Variants in MCPH1 observed in about 807,000 individuals in gnomAD.
MCPH1 encodes the protein microcephalin 1, also known as microcephalin.
Under a neutral mutation model 84.5 loss-of-function variants are expected in MCPH1, and 104 were observed. That is an observed-to-expected ratio of 1.23 (90% CI 1.05 to 1.45). The LOEUF is 1.45. Among genes scored for constraint, MCPH1 ranks in the 40% most tolerant of loss-of-function variants. MCPH1 has a pLI of 0.00. For synonymous variants in MCPH1, 514 were observed against 366.8 expected (o/e 1.40, Z -4.58); for missense variants, 1,498 against 1,005.7 (o/e 1.49, Z -6.62).
chr8:6,621,398 G>A lies in MCPH1; in HGVS notation c.2215-56G>A, dbSNP rs201904454. The stretch of plus-strand genomic sequence containing the variant: ...AAGTAAACTGCAACAGTTCGCCTAC[G>A]CTATGGAGACTGGAGTGGTCCCACC... On this transcript the variant is annotated intron_variant, in intron 12 of 13. Transcript: ENST00000344683. 1,163 of 1,604,198 alleles carry A rather than the reference G, an allele frequency of 7.2e-4. 3 individuals are homozygous for A. The highest frequency in any genetic ancestry group is 1.3e-3 in the South Asian group (122 of 90,888).
At chr8:6,617,595 C>G (rs555550521) in intron 12 of MCPH1, among the ~76,000 whole-genome samples, 1 of 151,976 alleles carries the variant, frequency 6.6e-6, no homozygotes, top group East Asian at 1.9e-4. Flanking sequence ...CCTGCACGCA[C>G]TCCTGTTTCT....
At chr8:6,629,337 C>G (rs970479495) in intron 13 of MCPH1, among the ~76,000 whole-genome samples, 5 of 152,188 alleles carry the variant, frequency 3.3e-5, no homozygotes, top group African/African-American at 1.2e-4. Flanking sequence ...TTGTGGGCAC[C>G]TGCAATCCCA....
chr8:6,581,386 G>A (rs1471474780), intron 12 of MCPH1, among the ~76,000 whole-genome samples: 2 of 152,196 alleles, frequency 1.3e-5, no homozygotes, highest in African/African-American at 2.4e-5. Flanking sequence ...CAAATCCAAT[G>A]TCCCTATGCT....
chr8:6,444,924 C>T lies in MCPH1; in HGVS notation c.1202C>T (p.Ala401Val), dbSNP rs377725772. ...EDRLQHVAGP[A>V]LEALSCGESS... The stretch of plus-strand genomic sequence containing the variant: ...AGGCTGCAGCACGTGGCGGGACCTG[C>T]CCTGGAGGCTCTTAGCTGTGGGGAG... Residue 401 changes from alanine (A) to valine (V), a missense_variant, in exon 8 of 14, where the codon GCC (alanine) becomes GTC (valine). Physicochemically the swap from Ala to Val is moderately conservative, Grantham distance 64 (BLOSUM62 0). Transcript: ENST00000344683. 158 of 1,613,976 alleles carry T rather than the reference C, an allele frequency of 9.8e-5. No individual in the cohort carries two copies. The highest frequency in any genetic ancestry group is 1.3e-4 in the Non-Finnish European group (149 of 1,179,996).
At chr8:6,507,572 C>CTTTTTTT (rs35163014) in intron 12 of MCPH1, 6 of 104,804 alleles carry the variant, frequency 5.7e-5, no homozygotes, top group Non-Finnish European at 8.0e-5. Flanking sequence ...ACTTTCTTTT[C>CTTTTTTT]TTTTTTTTTT....
At chr8:6,614,717 C>T (rs1430027112) in intron 12 of MCPH1, among the ~76,000 whole-genome samples, 1 of 152,220 alleles carries the variant, frequency 6.6e-6, no homozygotes, top group Non-Finnish European at 1.5e-5. Flanking sequence ...TCATTGGAAA[C>T]CTCAAAACCT....
Position 6,626,509 on chromosome 8 carries a change from A to C in MCPH1, c.2452+4818A>C. 3.1e-6 allele frequency: 3 copies of C among 964,166 alleles called. No individual in the cohort carries two copies. In the South Asian group the frequency reaches 1.5e-4, roughly 47 times the overall value. 59.7% of individuals were successfully genotyped at this position (964,166 alleles called of 1,614,324 possible). ...TTTTTTTTGCGTTTTGAGAGAGCAC[A>C]CTTGTGGGTGGTTGAACATGGATAA... is the stretch of plus-strand genomic sequence containing the variant. On this transcript the variant is annotated intron_variant, in intron 13 of 13. Transcript: ENST00000344683.
chr8:6,463,307 C>T (rs1446218807), intron 9 of MCPH1, among the ~76,000 whole-genome samples: 1 of 152,144 alleles, frequency 6.6e-6, no homozygotes, highest in Non-Finnish European at 1.5e-5. Context: ...TTCCTCATCT[C>T]CAGTATCATT....
intron 12 of MCPH1, among the ~76,000 whole-genome samples, chr8:6,537,471 C>T (rs576326096): frequency 1.3e-5 from 2 of 152,014 alleles, no homozygotes; most frequent in Non-Finnish European, 2.9e-5. Context: ...AAAAGAGTTG[C>T]GCCCCAGACA....
Position 6,642,826 on chromosome 8 carries a change from G to A in MCPH1, c.2453-168G>A, listed in dbSNP as rs550432206. 13 of 691,158 alleles carry A rather than the reference G, an allele frequency of 1.9e-5. No individual in the cohort carries two copies. In the East Asian group the frequency reaches 2.2e-4, roughly 12 times the overall value. The allele number at this position is 691,158 out of a possible 1,614,324, so 42.8% of individuals were successfully genotyped here. A position where few individuals can be genotyped will look rare whatever the true frequency, so the allele number is the denominator to read the frequency against. On this transcript the variant is annotated intron_variant, in intron 13 of 13. Transcript: ENST00000344683. ...TTCATTGTATTGAATTTCGTTTCAC[G>A]TTAATTTAAAAAGGTATGTGTGCTC...
intron 12 of MCPH1, among the ~76,000 whole-genome samples, chr8:6,539,119 A>G (rs1174928588): frequency 6.6e-6 from 1 of 152,194 alleles, no homozygotes; most frequent in African/African-American, 2.4e-5. Flanking sequence ...GGCTGAGCCT[A>G]AAGAGGGAAG....
intron 12 of MCPH1, chr8:6,508,873 T>A: frequency 6.2e-7 from 1 of 1,611,778 alleles, no homozygotes; most frequent in Non-Finnish European, 8.5e-7. Flanking sequence ...TTGCCAGCCT[T>A]TCCCTCTATG....
At chr8:6,457,197 G>T (rs1199919847) in intron 9 of MCPH1, among the ~76,000 whole-genome samples, 4 of 152,164 alleles carry the variant, frequency 2.6e-5, no homozygotes, top group African/African-American at 9.7e-5. Context: ...AATATTTTAA[G>T]AGTATTAGTA....
In MCPH1 at chr8:6,647,926, T is replaced by TAA. The variant is rs532081186; in HGVS notation, c.*4884_*4885dup. 4.0e-5 allele frequency: 6 copies of TAA among 151,190 alleles called. No homozygotes were observed. Among genetic ancestry groups the TAA allele is most frequent in the African/African-American group, 1.5e-4 (6 of 40,938 alleles). The allele number at this position is 151,190 out of a possible 1,614,324, so 9.4% of individuals were successfully genotyped here. A position where few individuals can be genotyped will look rare whatever the true frequency, so the allele number is the denominator to read the frequency against. Reference sequence around the variant, plus strand: ...TATACACCAATAAAGCTATTTTTTTTAAAAAAAAGAGAGAGAGAGAACGAG... The same window carrying TAA: ...TATACACCAATAAAGCTATTTTTTTTAAAAAAAAAAGAGAGAGAGAGAACGAG... On this transcript the variant is annotated 3_prime_UTR_variant, in exon 14 of 14. Coordinates refer to ENST00000344683, the MANE Select transcript of MCPH1 (RefSeq NM_024596.5).
chr8:6,640,540 G>A (rs557502003), intron 13 of MCPH1, among the ~76,000 whole-genome samples: 2 of 152,160 alleles, frequency 1.3e-5, no homozygotes, highest in Admixed American at 6.5e-5. Flanking sequence ...TTGAAATTGG[G>A]TTATTTATAT....
intron 12 of MCPH1, among the ~76,000 whole-genome samples, chr8:6,558,328 T>G (rs1406577958): frequency 6.6e-6 from 1 of 152,216 alleles, no homozygotes; most frequent in Non-Finnish European, 1.5e-5. Flanking sequence ...TGACATATTT[T>G]TTTACCTTGC....
chr8:6,410,615 A>G lies in MCPH1; in HGVS notation c.114+1245A>G, dbSNP rs139785614. On this transcript the variant is annotated intron_variant, in intron 2 of 13. Coordinates refer to ENST00000344683, the MANE Select transcript of MCPH1 (RefSeq NM_024596.5). ...AAATAGGTATCTTTTGCCCACGCACACTAAACCGATCACTTTGATGACGGG... is the reference window on the plus strand; with the variant it reads ...AAATAGGTATCTTTTGCCCACGCACGCTAAACCGATCACTTTGATGACGGG... Among the ~76,000 whole-genome samples, 4 of 152,346 alleles carry G rather than the reference A, an allele frequency of 2.6e-5. No individual in the cohort carries two copies. In the East Asian group the frequency reaches 5.8e-4, roughly 22 times the overall value.
chr8:6,455,205 C>T lies in MCPH1; in HGVS notation c.1888C>T (p.Leu630Phe). ...TGACTCATGTGACGGCTTTAAGGAC[C>T]TCATCAAACCTCATGAGGAATTGAA... ...LDDSCDGFKD[L>F]IKPHEELKKS... Residue 630 changes from leucine (L) to phenylalanine (F), a missense_variant, in exon 9 of 14, where the codon CTC becomes TTC. Transcript: ENST00000344683. 6.8e-6 allele frequency: 11 copies of T among 1,614,000 alleles called. No homozygotes were observed. Among genetic ancestry groups the T allele is most frequent in the Non-Finnish European group, 9.3e-6 (11 of 1,179,946 alleles).
chr8:6,625,880 G>A (rs1478224515), intron 13 of MCPH1: 7 of 985,236 alleles, frequency 7.1e-6, no homozygotes, highest in East Asian at 1.1e-4. Context: ...CACAGGGGGT[G>A]GAGAACCAGG....
Sources: gnomAD v4.1 joint callset for allele counts (sites outside exome capture counted in the v4.1 genomes callset) on GRCh38, gnomAD v4.1.1 for gene constraint, MANE v1.5 for transcripts, NCBI Gene and HGNC (gene_info 2026-07-23, HGNC 2026-07-21) for gene names.